The following LONRF2 variants were observed in gnomAD, a reference collection of about 807,000 sequenced individuals.
LONRF2 encodes LON peptidase N-terminal domain and ring finger 2.
Under a neutral mutation model 66.6 loss-of-function variants are expected in LONRF2, and 35 were observed. The observed-to-expected ratio is 0.53, with a 90% CI of 0.40 to 0.70. The LOEUF is 0.70. Among genes scored for constraint, LONRF2 ranks in the 30% least tolerant of loss-of-function variants. The pLI, the probability that LONRF2 is intolerant of heterozygous loss-of-function variation, is 0.00. For missense variants in LONRF2, 902 were observed against 1,002.1 expected, an observed-to-expected ratio of 0.90 and a Z score of 1.35; for synonymous variants, 417 against 418.1, an observed-to-expected ratio of 1.00 and a Z score of 0.03.
intron 1 of LONRF2, among the ~76,000 whole-genome samples, chr2:100,319,518 T>A (rs969706730): frequency 3.3e-5 from 5 of 152,096 alleles, no homozygotes; most frequent in African/African-American, 1.2e-4. Context: ...TCCCTTTTCA[T>A]CCCCCCAAGG....
intron 1 of LONRF2, among the ~76,000 whole-genome samples, chr2:100,317,243 T>C (rs1183988754): frequency 1.3e-5 from 2 of 152,230 alleles, no homozygotes; most frequent in African/African-American, 4.8e-5. Context: ...TTCCCTCCCA[T>C]TTTCTTTTGG....
Position 100,322,120 on chromosome 2 carries a change from C to A in LONRF2, c.-27G>T. The A allele has an allele frequency of 8.1e-7, 1 of 1,238,812 alleles. No homozygotes were observed. Among genetic ancestry groups the A allele is most frequent in the South Asian group, 3.4e-5 (1 of 29,596 alleles). 76.7% of individuals were successfully genotyped at this position (1,238,812 alleles called of 1,614,324 possible). On this transcript the variant is annotated 5_prime_UTR_variant, in exon 1 of 12. Transcript: ENST00000393437. ...ACCGCGGGGCTGCGACGACGCGGGT[C>A]CGGAGCGAAGGCGCGGAGCAGGGAG... is the stretch of plus-strand genomic sequence containing the variant.
intron 10 of LONRF2, among the ~76,000 whole-genome samples, 193 bp downstream of exon 10, chr2:100,290,065 C>T (rs1341846690): frequency 1.3e-5 from 2 of 152,122 alleles, no homozygotes; most frequent in Non-Finnish European, 2.9e-5. Flanking sequence ...CAAGATCATG[C>T]TGCTGCACTC....
intron 1 of LONRF2, among the ~76,000 whole-genome samples, chr2:100,311,900 G>A (rs992805791): frequency 3.9e-5 from 6 of 152,042 alleles, no homozygotes; most frequent in Non-Finnish European, 7.4e-5. Flanking sequence ...AGCTCTTCTT[G>A]GTCTTAACTC....
At chr2:100,306,495 T>C (rs1200216527) in intron 2 of LONRF2, among the ~76,000 whole-genome samples, 1 of 152,236 alleles carries the variant, frequency 6.6e-6, no homozygotes, top group African/African-American at 2.4e-5. Flanking sequence ...TTAAGTCTTA[T>C]AAGTTCGCTG....
Position 100,297,339 on chromosome 2 carries a change from G to T in LONRF2, c.1476+1497C>A, listed in dbSNP as rs149976680. Among the ~76,000 whole-genome samples, 595 of 151,848 alleles carry T rather than the reference G, an allele frequency of 3.9e-3. 7 individuals are homozygous for T. Among genetic ancestry groups the T allele is most frequent in the African/African-American group, 0.014 (575 of 41,390 alleles). On this transcript the variant is annotated intron_variant, in intron 7 of 11. Transcript: ENST00000393437. ...TTTTTAGTAGAGACGGGGTTTCACCGTGTTAGCCGGGATGGTCTCTATCTC... is the reference window on the plus strand; with the variant it reads ...TTTTTAGTAGAGACGGGGTTTCACCTTGTTAGCCGGGATGGTCTCTATCTC...
At chr2:100,297,463 T>C (rs1393746082) in intron 7 of LONRF2, among the ~76,000 whole-genome samples, 1 of 152,174 alleles carries the variant, frequency 6.6e-6, no homozygotes, top group Admixed American at 6.5e-5. Flanking sequence ...AGTGACGACC[T>C]CCAGCTATCA....
intron 11 of LONRF2, among the ~76,000 whole-genome samples, chr2:100,285,709 C>T (rs1261885885): frequency 1.3e-5 from 2 of 152,054 alleles, no homozygotes; most frequent in African/African-American, 4.8e-5. Context: ...GGAAGGAAGC[C>T]GAGGAATGCC....
At position 100,280,703 on chromosome 2, in the gene LONRF2, C is replaced by G. The variant is rs1230333348; in HGVS notation, c.*3595G>C. 6.6e-6 allele frequency: 1 copy of G among 152,128 alleles called. No homozygotes were observed. Among genetic ancestry groups the G allele is most frequent in the Non-Finnish European group, 1.5e-5 (1 of 68,044 alleles). 9.4% of individuals were successfully genotyped at this position (152,128 alleles called of 1,614,324 possible). A position where few individuals can be genotyped will look rare whatever the true frequency, so the allele number is the denominator to read the frequency against. On this transcript the variant is annotated 3_prime_UTR_variant, in exon 12 of 12. Transcript: ENST00000393437. ...GGCCAAGGCAAGAGAATCACTTGAA[C>G]CCAGGAGGCGGAGGTTGTGGTGAGA...
chr2:100,303,128 T>G lies in LONRF2; in HGVS notation c.799-85A>C, dbSNP rs537285294. ...TACAAACTTCCCTGAACAAATTTAT[T>G]AGAACAATTTGTTTTAATTTCACAT... On this transcript the variant is annotated intron_variant, in intron 2 of 11. Coordinates refer to ENST00000393437, the MANE Select transcript of LONRF2 (RefSeq NM_198461.4). 5.4e-6 allele frequency: 7 copies of G among 1,296,106 alleles called. No homozygotes were observed. In the African/African-American group the frequency reaches 1.0e-4, roughly 19 times the overall value. 80.3% of individuals were successfully genotyped at this position (1,296,106 alleles called of 1,614,324 possible).
At chr2:100,317,781 T>A (rs1443203174) in intron 1 of LONRF2, among the ~76,000 whole-genome samples, 3 of 152,186 alleles carry the variant, frequency 2.0e-5, no homozygotes, top group Non-Finnish European at 4.4e-5. Context: ...TTCCATTAGC[T>A]TCTAGCTTCA....
chr2:100,312,549 C>G, intron 1 of LONRF2, among the ~76,000 whole-genome samples: 1 of 152,078 alleles, frequency 6.6e-6, no homozygotes, highest in African/African-American at 2.4e-5. Context: ...TTTAATCATT[C>G]TTTTCTAATG....
chr2:100,300,873 T>A, intron 3 of LONRF2, 86 bp from the exon 4 acceptor site: 1 of 1,067,308 alleles, frequency 9.4e-7, no homozygotes, highest in Non-Finnish European at 1.2e-6. Context: ...CAGAGGAAAC[T>A]AAGAGGCCAA....
In LONRF2 at chr2:100,275,022, A is replaced by T. The variant is rs2105704429; in HGVS notation, c.*9276T>A. The T allele has an allele frequency of 6.6e-6, 1 of 152,430 alleles. No homozygotes were observed. The highest frequency in any genetic ancestry group is 1.5e-5 in the Non-Finnish European group (1 of 68,158). 9.4% of individuals were successfully genotyped at this position (152,430 alleles called of 1,614,324 possible). On this transcript the variant is annotated 3_prime_UTR_variant, in exon 12 of 12. Transcript: ENST00000393437. Reference sequence around the variant, plus strand: ...GCCTCTTGGCTGCGCGTGGCTTACTAACTGGACCCCCACCCTGGGGAGCAT... The same window carrying T: ...GCCTCTTGGCTGCGCGTGGCTTACTTACTGGACCCCCACCCTGGGGAGCAT...
At chr2:100,320,170 T>C (rs905830131) in intron 1 of LONRF2, among the ~76,000 whole-genome samples, 2 of 152,218 alleles carry the variant, frequency 1.3e-5, no homozygotes. Context: ...CTAAAATAAA[T>C]TTCACCTGCT....
In LONRF2 at chr2:100,276,472, A is replaced by C. The variant is rs1375087404; in HGVS notation, c.*7826T>G. On this transcript the variant is annotated 3_prime_UTR_variant, in exon 12 of 12. Transcript: ENST00000393437. ...TAAAACAAATAATAAATTAAAATTAAAGTCAGTCTTTGGCAGTTATAAACT... is the reference window on the plus strand; with the variant it reads ...TAAAACAAATAATAAATTAAAATTACAGTCAGTCTTTGGCAGTTATAAACT... The C allele has an allele frequency of 6.6e-6, 1 of 152,178 alleles. No homozygotes were observed. Among genetic ancestry groups the C allele is most frequent in the Non-Finnish European group, 1.5e-5 (1 of 68,042 alleles). 9.4% of individuals were successfully genotyped at this position (152,178 alleles called of 1,614,324 possible).
At chr2:100,290,470 C>G (rs749368554) in intron 9 of LONRF2, 50 bp from the exon 10 acceptor site, 1 of 1,540,490 alleles carries the variant, frequency 6.5e-7, no homozygotes, top group African/African-American at 1.4e-5. Context: ...ATGCAGGGGG[C>G]CTTCTTTTTC....
chr2:100,297,139 T>C (rs1675084567), intron 7 of LONRF2, among the ~76,000 whole-genome samples: 1 of 151,918 alleles, frequency 6.6e-6, no homozygotes, highest in African/African-American at 2.4e-5. Context: ...TTTTTTTTTT[T>C]TCTTTTTGAG....
intron 1 of LONRF2, among the ~76,000 whole-genome samples, chr2:100,315,308 G>C (rs925308238): frequency 4.6e-5 from 7 of 152,278 alleles, no homozygotes; most frequent in African/African-American, 1.7e-4. Context: ...CTTGTAGTCA[G>C]CAATCTGGAT....
Sources: gnomAD v4.1 joint callset for allele counts (sites outside exome capture counted in the v4.1 genomes callset) on GRCh38, gnomAD v4.1.1 for gene constraint, MANE v1.5 for transcripts, NCBI Gene and HGNC (gene_info 2026-07-23, HGNC 2026-07-21) for gene names.